Variants in MPRIP observed in about 807,000 individuals in gnomAD.
MPRIP encodes myosin phosphatase Rho interacting protein, also known as myosin phosphatase Rho-interacting protein.
A neutral mutation model predicts 234.9 loss-of-function variants in MPRIP; 59 were observed. The observed-to-expected ratio is 0.25, with a 90% CI of 0.20 to 0.31. MPRIP has a LOEUF of 0.31. MPRIP is among the 10% of genes least tolerant of loss of function. The probability of loss-of-function intolerance (pLI) is 1.00; values close to 1 mark genes in which losing one functional copy is unlikely to be tolerated. For missense variants in MPRIP, 2,436 were observed against 3,071.0 expected (o/e 0.79, Z 4.89); for synonymous variants, 1,144 against 1,263.9 (o/e 0.91, Z 2.01).
At chr17:17,097,621 A>G (rs1268722982) in intron 3 of MPRIP, among the ~76,000 whole-genome samples, 1 of 152,176 alleles carries the variant, frequency 6.6e-6, no homozygotes, top group African/African-American at 2.4e-5. Context: ...TCGGACATCC[A>G]AGTTGTTTTC....
intron 23 of MPRIP, among the ~76,000 whole-genome samples, chr17:17,180,436 G>A (rs1435628190): frequency 6.6e-6 from 1 of 152,238 alleles, no homozygotes; most frequent in African/African-American, 2.4e-5. Flanking sequence ...TGACACTGGT[G>A]CCGCCTCCAA....
At chr17:17,128,090 G>T (rs117714469) in intron 4 of MPRIP, among the ~76,000 whole-genome samples, 2,772 of 152,298 alleles carry the variant, frequency 0.018, 53 homozygotes, top group Middle Eastern at 0.048. Flanking sequence ...TGGTACAGTC[G>T]AGGAGACCCA....
At chr17:17,064,095 A>G (rs1223887177) in intron 1 of MPRIP, among the ~76,000 whole-genome samples, 3 of 152,142 alleles carry the variant, frequency 2.0e-5, no homozygotes, top group South Asian at 4.1e-4. Flanking sequence ...GCTCAGGGCC[A>G]TGGCAGGCAG....
intron 14 of MPRIP, among the ~76,000 whole-genome samples, chr17:17,160,538 T>C (rs1379840294): frequency 6.6e-6 from 1 of 151,676 alleles, no homozygotes; most frequent in Non-Finnish European, 1.5e-5. Context: ...ACCTGGGAGG[T>C]GTGTAGGGAA....
intron 1 of MPRIP, among the ~76,000 whole-genome samples, chr17:17,056,504 C>G (rs964007621): frequency 6.6e-6 from 1 of 152,116 alleles, no homozygotes; most frequent in Non-Finnish European, 1.5e-5. Flanking sequence ...AGAGGGAGGC[C>G]AGGAGCCCAG....
At chr17:17,179,740 G>A (rs1480506039) in intron 22 of MPRIP, among the ~76,000 whole-genome samples, 1 of 152,236 alleles carries the variant, frequency 6.6e-6, no homozygotes, top group Non-Finnish European at 1.5e-5. Flanking sequence ...AGGGAATGCT[G>A]TTGTGGGCTA....
intron 1 of MPRIP, among the ~76,000 whole-genome samples, chr17:17,055,360 G>A (rs2088661356): frequency 6.6e-6 from 1 of 152,170 alleles, no homozygotes; most frequent in Non-Finnish European, 1.5e-5. Flanking sequence ...AATGCCCAAG[G>A]AAGGTAGAGA....
intron 3 of MPRIP, among the ~76,000 whole-genome samples, chr17:17,124,543 G>A (rs1196207747): frequency 6.6e-6 from 1 of 152,154 alleles, no homozygotes. Context: ...AGAGAGGAAG[G>A]GCCACCTTAG....
At chr17:17,076,435 T>C (rs1369709255) in intron 2 of MPRIP, 5 of 152,428 alleles carry the variant, frequency 3.3e-5, no homozygotes, top group African/African-American at 1.2e-4. Context: ...CCCTTTCCTC[T>C]TCTTCTTAGT....
At chr17:17,163,356 C>T (rs899599891) in intron 15 of MPRIP, among the ~76,000 whole-genome samples, 1 of 152,176 alleles carries the variant, frequency 6.6e-6, no homozygotes, top group Non-Finnish European at 1.5e-5. Context: ...TGAGTTCTGT[C>T]TCTGCATGCC....
rs1197221739 is a variant in MPRIP at position 17,161,291 on chromosome 17, C to T, written c.2452C>T (p.Leu818=). ...ASDLLEQNRL[L]QDQLRVALGR... ...AGACCTTCTGGAGCAGAACCGGCTC[C>T]TGCAGGACCAGCTGAGGGTGGCCCT... Residue 818 remains leucine (L), a synonymous_variant, in exon 15 of 24, where the codon CTG becomes TTG. Transcript: ENST00000651222. 1 of 1,600,816 alleles carries T rather than the reference C, an allele frequency of 6.2e-7. No individual in the cohort carries two copies. The highest frequency in any genetic ancestry group is 1.3e-5 in the African/African-American group (1 of 74,912).
chr17:17,121,927 C>T (rs1247978001), intron 3 of MPRIP, among the ~76,000 whole-genome samples: 2 of 152,158 alleles, frequency 1.3e-5, no homozygotes, highest in Admixed American at 1.3e-4. Context: ...GTTTTCTGTT[C>T]CTGTGTTCGT....
chr17:17,143,781 G>A, intron 9 of MPRIP, 112 bp downstream of exon 9: 2 of 579,442 alleles, frequency 3.5e-6, no homozygotes, highest in Non-Finnish European at 5.6e-6. Context: ...CTGTGCACAG[G>A]CCCTCGTGTC....
At chr17:17,053,273 T>C (rs1418441422) in intron 1 of MPRIP, among the ~76,000 whole-genome samples, 1 of 152,092 alleles carries the variant, frequency 6.6e-6, no homozygotes, top group Non-Finnish European at 1.5e-5. Flanking sequence ...TCCATGCTAA[T>C]GGAGCAAGTT....
At chr17:17,170,519 C>T (rs2046110199) in intron 16 of MPRIP, among the ~76,000 whole-genome samples, 1 of 152,228 alleles carries the variant, frequency 6.6e-6, no homozygotes, top group African/African-American at 2.4e-5. Context: ...CTGAGGCTCT[C>T]AGAGTTGGCC....
intron 1 of MPRIP, among the ~76,000 whole-genome samples, chr17:17,066,168 T>C (rs2089019163): frequency 6.6e-6 from 1 of 152,232 alleles, no homozygotes; most frequent in Non-Finnish European, 1.5e-5. Flanking sequence ...ATTCGCGCAC[T>C]ATGTTGAATA....
intron 1 of MPRIP, among the ~76,000 whole-genome samples, chr17:17,068,369 C>T (rs923696528): frequency 2.0e-5 from 3 of 151,926 alleles, no homozygotes; most frequent in African/African-American, 7.3e-5. Context: ...AGGCTGGTCT[C>T]GAACTCCTGA....
intron 12 of MPRIP, among the ~76,000 whole-genome samples, chr17:17,153,464 TA>T (rs962100939): frequency 1.3e-4 from 19 of 151,880 alleles, no homozygotes; most frequent in African/African-American, 4.6e-4. Context: ...CCCTGCCTGG[TA>T]CCCAGGCAGG....
Position 17,167,979 on chromosome 17 carries a change from G to C in MPRIP, c.6324+64G>C. 1 of 1,199,200 alleles carries C rather than the reference G, an allele frequency of 8.3e-7. No individual in the cohort carries two copies. The highest frequency in any genetic ancestry group is 1.1e-6 in the Non-Finnish European group (1 of 919,468). The allele number at this position is 1,199,200 out of a possible 1,614,324, so 74.3% of individuals were successfully genotyped here. A position where few individuals can be genotyped will look rare whatever the true frequency, so the allele number is the denominator to read the frequency against. ...TTGATAATGGGGTGGGTGTGGGGAC[G>C]TCTGGCTCAGCTACCGTGCAGGCAG... On this transcript the variant is annotated intron_variant, in intron 16 of 23. Transcript: ENST00000651222. The surrounding 1 kb of genome is among the most constrained non-coding windows in gnomAD (Gnocchi z 5.9).
Sources: gnomAD v4.1 joint callset for allele counts (sites outside exome capture counted in the v4.1 genomes callset) on GRCh38, gnomAD v4.1.1 for gene constraint, Gnocchi (gnomAD v3.1) non-coding constraint, MANE v1.5 for transcripts, NCBI Gene and HGNC (gene_info 2026-07-23, HGNC 2026-07-21) for gene names.